The following ZNF728 variants were observed in gnomAD, a reference collection of about 807,000 sequenced individuals.
ZNF728 encodes the protein zinc finger protein 728.
A neutral mutation model predicts 12.5 loss-of-function variants in ZNF728; 12 were observed. The observed-to-expected ratio is 0.96, with a 90% confidence interval of 0.61 to 1.55. The LOEUF (loss-of-function observed/expected upper bound fraction) is 1.55, where lower values mean the gene tolerates loss of function less well. Among genes scored for constraint, ZNF728 ranks in the 40% most tolerant of loss-of-function variants. The pLI is 0.00. For missense variants in ZNF728, 692 were observed against 719.2 expected, an observed-to-expected ratio of 0.96 and a Z score of 0.43; for synonymous variants, 205 against 240.7, an observed-to-expected ratio of 0.85 and a Z score of 1.37.
chr19:22,975,654 C>A lies in ZNF728; in HGVS notation c.1683G>T (p.Glu561Asp), dbSNP rs758353113. 6 of 1,612,060 alleles carry A rather than the reference C, an allele frequency of 3.7e-6. No individual in the cohort carries two copies. The highest frequency in any genetic ancestry group is 5.1e-6 in the Non-Finnish European group (6 of 1,179,858). Reference protein sequence around the residue: ...LSEHKRIHTGEKPYKCEECGK... With the variant: ...LSEHKRIHTGDKPYKCEECGK... Reference sequence around the variant, plus strand: ...CACATTCTTCACATTTGTAGGGTTTCTCTCCAGTATGAATTCTCTTATGTT... The same window carrying A: ...CACATTCTTCACATTTGTAGGGTTTATCTCCAGTATGAATTCTCTTATGTT... Residue 561 changes from glutamate to aspartate, a missense_variant, in exon 4 of 4, where the codon GAG becomes GAT. By Grantham distance (45) the Glu-to-Asp change is conservative. Coordinates refer to ENST00000594710, the MANE Select transcript of ZNF728 (RefSeq NM_001267716.2).
At chr19:22,982,058 G>A (rs1402845510) in intron 3 of ZNF728, among the ~76,000 whole-genome samples, 2 of 152,052 alleles carry the variant, frequency 1.3e-5, no homozygotes, top group African/African-American at 4.8e-5. Flanking sequence ...AGAAATAAAA[G>A]GTATTCAAAT....
chr19:22,979,142 G>T (rs1408974720), intron 3 of ZNF728, among the ~76,000 whole-genome samples: 1 of 152,172 alleles, frequency 6.6e-6, no homozygotes, highest in African/African-American at 2.4e-5. Flanking sequence ...TTGCTAACAG[G>T]AAGAACCAGT....
At chr19:22,982,430 G>T (rs1213756971) in intron 3 of ZNF728, among the ~76,000 whole-genome samples, 1 of 152,108 alleles carries the variant, frequency 6.6e-6, no homozygotes, top group Non-Finnish European at 1.5e-5. Flanking sequence ...TGTGAAAATG[G>T]CCATACGGCC....
chr19:22,988,569 G>A, intron 1 of ZNF728, 118 bp from the exon 2 acceptor site: 1 of 1,404,530 alleles, frequency 7.1e-7, no homozygotes, highest in South Asian at 1.4e-5. Flanking sequence ...AGGAGTGACT[G>A]AAATCATTCA....
chr19:22,984,915 C>CA (rs1250104169), intron 3 of ZNF728, among the ~76,000 whole-genome samples: 1 of 151,906 alleles, frequency 6.6e-6, no homozygotes, highest in Non-Finnish European at 1.5e-5. Context: ...AGAATTAAAA[C>CA]AATCTGGTAT....
chr19:22,975,461 A>G lies in ZNF728; in HGVS notation c.*7T>C. On this transcript the variant is annotated 3_prime_UTR_variant, in exon 4 of 4. Coordinates refer to ENST00000594710, the MANE Select transcript of ZNF728 (RefSeq NM_001267716.2). ...TTAAGAACTAATTGAAAGCTTTGCC[A>G]CATTTTTCACATTTGTAGGGTTTTT... 6.5e-7 allele frequency: 1 copy of G among 1,534,618 alleles called. No homozygotes were observed.
chr19:22,992,642 G>C (rs1177883509), intron 1 of ZNF728, among the ~76,000 whole-genome samples: 1 of 152,090 alleles, frequency 6.6e-6, no homozygotes, highest in East Asian at 1.9e-4. Context: ...GAGACCTCCT[G>C]ATTTTTTACC....
chr19:22,997,918 A>G (rs1339134321), intron 1 of ZNF728, among the ~76,000 whole-genome samples: 1 of 152,160 alleles, frequency 6.6e-6, no homozygotes, highest in Non-Finnish European at 1.5e-5. Flanking sequence ...TAACAAGCAT[A>G]TAAAAAAATG....
intron 1 of ZNF728, among the ~76,000 whole-genome samples, chr19:23,000,403 A>AC (rs1969095567): frequency 6.6e-6 from 1 of 151,864 alleles, no homozygotes. Context: ...CAAAAAAAAA[A>AC]ACACCAGAGA....
intron 1 of ZNF728, among the ~76,000 whole-genome samples, chr19:22,991,154 T>A (rs1968983393): frequency 6.6e-6 from 1 of 152,188 alleles, no homozygotes; most frequent in Admixed American, 6.5e-5. Flanking sequence ...CTGACTAAAG[T>A]TTACAGAGAA....
intron 3 of ZNF728, chr19:22,985,621 C>A (rs1396278034): frequency 6.6e-6 from 1 of 152,258 alleles, no homozygotes; most frequent in Admixed American, 6.5e-5. Context: ...AAATGTCCCA[C>A]CCAACTTGGT....
At chr19:22,992,543 T>C (rs1336370692) in intron 1 of ZNF728, among the ~76,000 whole-genome samples, 1 of 139,180 alleles carries the variant, frequency 7.2e-6, no homozygotes, top group Non-Finnish European at 1.5e-5. Context: ...GCACCCCACC[T>C]GCTTCATCTA....
At chr19:22,981,275 T>A (rs542053002) in intron 3 of ZNF728, among the ~76,000 whole-genome samples, 115 of 152,066 alleles carry the variant, frequency 7.6e-4, no homozygotes, top group African/African-American at 2.8e-3. Flanking sequence ...AACTAGAAAA[T>A]CTAGAAGAAA....
At chr19:22,985,471 G>A (rs1312112625) in intron 3 of ZNF728, among the ~76,000 whole-genome samples, 1 of 152,164 alleles carries the variant, frequency 6.6e-6, no homozygotes, top group Non-Finnish European at 1.5e-5. Flanking sequence ...AAAAATAAGT[G>A]CCTTTAAGAG....
intron 1 of ZNF728, among the ~76,000 whole-genome samples, chr19:23,001,343 A>C (rs1969112086): frequency 6.6e-6 from 1 of 152,228 alleles, no homozygotes; most frequent in African/African-American, 2.4e-5. Context: ...CTTTCCAAAA[A>C]AACAGCACAC....
chr19:22,995,259 T>G (rs537569543), intron 1 of ZNF728: 5 of 152,242 alleles, frequency 3.3e-5, no homozygotes, highest in African/African-American at 1.2e-4. Context: ...AGAAAGATTA[T>G]ATTGAAAGAA....
At chr19:22,996,094 T>C (rs1280520679) in intron 1 of ZNF728, among the ~76,000 whole-genome samples, 1 of 152,182 alleles carries the variant, frequency 6.6e-6, no homozygotes, top group African/African-American at 2.4e-5. Flanking sequence ...GTAAATTTTT[T>C]TGGATATCAG....
intron 1 of ZNF728, among the ~76,000 whole-genome samples, chr19:23,002,412 A>C (rs904507822): frequency 1.3e-5 from 2 of 152,186 alleles, no homozygotes; most frequent in Non-Finnish European, 1.5e-5. Flanking sequence ...CTCTGATTAC[A>C]TAACCAAGAA....
chr19:22,994,521 G>C (rs1969028493), intron 1 of ZNF728, among the ~76,000 whole-genome samples: 1 of 152,196 alleles, frequency 6.6e-6, no homozygotes, highest in Admixed American at 6.5e-5. Context: ...AGATTGCAAA[G>C]ACAGAAAGAC....
Sources: gnomAD v4.1 joint callset for allele counts (sites outside exome capture counted in the v4.1 genomes callset) on GRCh38, gnomAD v4.1.1 for gene constraint, MANE v1.5 for transcripts, NCBI Gene and HGNC (gene_info 2026-07-23, HGNC 2026-07-21) for gene names.